Variants in CFAP20DC observed in about 807,000 individuals in gnomAD.
CFAP20DC encodes protein CFAP20DC.
A neutral mutation model predicts 101.7 loss-of-function variants in CFAP20DC; 84 were observed. The observed-to-expected ratio is 0.83, with a 90% CI of 0.69 to 0.99. The LOEUF (loss-of-function observed/expected upper bound fraction) is 0.99, where lower values mean the gene tolerates loss of function less well. Ranked by LOEUF, CFAP20DC falls within the 50% of genes least tolerant of loss-of-function variation. CFAP20DC has a pLI of 0.00. For synonymous variants in CFAP20DC, 359 were observed against 351.2 expected (o/e 1.02, Z -0.25); for missense variants, 1,007 against 970.3 (o/e 1.04, Z -0.50).
chr3:58,822,511 G>T (rs1236445214), intron 14 of CFAP20DC, among the ~76,000 whole-genome samples: 1 of 141,610 alleles, frequency 7.1e-6, no homozygotes, highest in African/African-American at 2.7e-5. Context: ...TGGGTGTAGT[G>T]CACCAGCATG....
chr3:58,923,480 C>G (rs1436133512), intron 5 of CFAP20DC, among the ~76,000 whole-genome samples: 1 of 152,048 alleles, frequency 6.6e-6, no homozygotes, highest in Non-Finnish European at 1.5e-5. Context: ...TGAAGAATGT[C>G]TTCACTGGCT....
chr3:58,878,572 A>G (rs930141459), intron 7 of CFAP20DC, among the ~76,000 whole-genome samples: 3 of 152,212 alleles, frequency 2.0e-5, no homozygotes, highest in African/African-American at 7.2e-5. Flanking sequence ...TCACTAGCAC[A>G]GCTTATTTAC....
intron 3 of CFAP20DC, among the ~76,000 whole-genome samples, chr3:58,719,666 G>C (rs1329049867): frequency 2.6e-5 from 4 of 152,176 alleles, no homozygotes; most frequent in African/African-American, 9.6e-5. Flanking sequence ...TTATAATTCT[G>C]GTTTGTCCGC....
chr3:58,815,577 C>CA (rs2075051208), intron 14 of CFAP20DC, among the ~76,000 whole-genome samples: 1 of 151,222 alleles, frequency 6.6e-6, no homozygotes, highest in South Asian at 2.1e-4. Flanking sequence ...AGGCAACCTA[C>CA]AAAATGGGAG....
intron 5 of CFAP20DC, among the ~76,000 whole-genome samples, chr3:58,915,210 G>A (rs1229086131): frequency 6.6e-6 from 1 of 152,114 alleles, no homozygotes; most frequent in Non-Finnish European, 1.5e-5. Context: ...GACTAGTTTG[G>A]TCCCTGTCAG....
At chr3:59,040,728 C>A (rs1699299149) in intron 3 of CFAP20DC, among the ~76,000 whole-genome samples, 1 of 152,026 alleles carries the variant, frequency 6.6e-6, no homozygotes, top group South Asian at 2.1e-4. Flanking sequence ...GTATATGATT[C>A]CCATTTTGCA....
chr3:58,890,093 C>T (rs1395659586), intron 6 of CFAP20DC, among the ~76,000 whole-genome samples: 6 of 150,948 alleles, frequency 4.0e-5, no homozygotes, highest in African/African-American at 4.9e-5. Flanking sequence ...GGGTGGTGGC[C>T]GGGCAGAGGG....
At chr3:58,811,558 G>GA in intron 14 of CFAP20DC, among the ~76,000 whole-genome samples, 1 of 152,242 alleles carries the variant, frequency 6.6e-6, no homozygotes, top group African/African-American at 2.4e-5. Context: ...ATTAATTCAA[G>GA]ATGGATTAAA....
At chr3:58,981,912 G>A (rs2092565486) in intron 4 of CFAP20DC, among the ~76,000 whole-genome samples, 1 of 152,120 alleles carries the variant, frequency 6.6e-6, no homozygotes, top group Non-Finnish European at 1.5e-5. Context: ...CCATCAGAGT[G>A]AACAGGCAAC....
At chr3:58,723,725 T>C (rs984365457) in intron 3 of CFAP20DC, among the ~76,000 whole-genome samples, 2 of 152,228 alleles carry the variant, frequency 1.3e-5, no homozygotes, top group Non-Finnish European at 2.9e-5. Flanking sequence ...TTTGCCTTTG[T>C]CAGGTGGGGT....
intron 12 of CFAP20DC, among the ~76,000 whole-genome samples, chr3:58,856,064 G>T (rs1025358695): frequency 6.7e-6 from 1 of 148,906 alleles, no homozygotes; most frequent in East Asian, 1.9e-4. Context: ...AGATTTTCCA[G>T]TTAAAAATAT....
chr3:58,779,690 C>T (rs1054054099), intron 15 of CFAP20DC, among the ~76,000 whole-genome samples: 3 of 151,942 alleles, frequency 2.0e-5, no homozygotes, highest in South Asian at 2.1e-4. Flanking sequence ...AAAGAAGGAG[C>T]AAAACATTCA....
intron 12 of CFAP20DC, among the ~76,000 whole-genome samples, chr3:58,850,054 T>C (rs1185087301): frequency 1.3e-5 from 2 of 152,170 alleles, no homozygotes; most frequent in African/African-American, 4.8e-5. Flanking sequence ...AAAGCTACAA[T>C]AATTTTACAA....
intron 13 of CFAP20DC, among the ~76,000 whole-genome samples, chr3:58,844,516 T>C (rs1403124894): frequency 7.1e-6 from 1 of 140,586 alleles, no homozygotes; most frequent in African/African-American, 3.1e-5. Context: ...ATAAAGCAAG[T>C]CCTGAGTGAC....
chr3:58,906,785 T>C (rs1212456722), intron 6 of CFAP20DC, among the ~76,000 whole-genome samples: 1 of 151,826 alleles, frequency 6.6e-6, no homozygotes, highest in Non-Finnish European at 1.5e-5. Flanking sequence ...AAAAATTAGC[T>C]AGGCAGGTGG....
chr3:58,951,613 T>C (rs1576457790), intron 4 of CFAP20DC, among the ~76,000 whole-genome samples: 1 of 152,140 alleles, frequency 6.6e-6, no homozygotes, highest in African/African-American at 2.4e-5. Flanking sequence ...TGTAGGGACA[T>C]GGATGAAGCT....
chr3:58,810,070 C>T (rs945016579), intron 14 of CFAP20DC, among the ~76,000 whole-genome samples: 6 of 152,108 alleles, frequency 3.9e-5, no homozygotes, highest in African/African-American at 1.4e-4. Context: ...AATAGCTTAC[C>T]AATCAAAAAG....
In CFAP20DC at chr3:58,914,613, T is replaced by A. The variant is rs569249183; in HGVS notation, c.394-749A>T. On this transcript the variant is annotated intron_variant, in intron 5 of 16. Transcript: ENST00000482387. This position sits in a 1 kb window ranked among gnomAD's most constrained non-coding sequence, Gnocchi z 4.9. Reference sequence around the variant, plus strand: ...GTATTAAAGTTTTATGTGCTTCTTTTAAAATATTGGGCTCTTCCATTATTT... The same window carrying A: ...GTATTAAAGTTTTATGTGCTTCTTTAAAAATATTGGGCTCTTCCATTATTT... 8.2e-4 allele frequency among the ~76,000 whole-genome samples: 124 copies of A among 151,546 alleles called. No individual in the cohort carries two copies. Among genetic ancestry groups the A allele is most frequent in the Middle Eastern group, 3.4e-3 (1 of 294 alleles).
At chr3:58,802,455 C>T (rs1426492714) in intron 15 of CFAP20DC, among the ~76,000 whole-genome samples, 1 of 152,132 alleles carries the variant, frequency 6.6e-6, no homozygotes, top group African/African-American at 2.4e-5. Flanking sequence ...CCCTAAGAGG[C>T]AATGTTTGGT....
Sources: gnomAD v4.1 joint callset for allele counts (sites outside exome capture counted in the v4.1 genomes callset) on GRCh38, gnomAD v4.1.1 for gene constraint, Gnocchi (gnomAD v3.1) non-coding constraint, MANE v1.5 for transcripts, NCBI Gene and HGNC (gene_info 2026-07-23, HGNC 2026-07-21) for gene names.